The following KAZN variants were observed in gnomAD, a reference collection of about 807,000 sequenced individuals.
KAZN encodes the protein kazrin.
KAZN carries 40 observed loss-of-function variants against 87.4 expected under a neutral mutation model. The ratio of observed to expected loss-of-function variants is 0.46; its 90% CI spans 0.36 to 0.60. KAZN has a LOEUF of 0.60. Ranked by LOEUF, KAZN falls within the 20% of genes least tolerant of loss-of-function variation. The probability of loss-of-function intolerance (pLI) is 0.00; values close to 1 mark genes in which losing one functional copy is unlikely to be tolerated. For synonymous variants in KAZN, 466 were observed against 458.3 expected, an observed-to-expected ratio of 1.02 and a Z score of -0.22; for missense variants, 898 against 1,073.9, an observed-to-expected ratio of 0.84 and a Z score of 2.29.
At chr1:14,025,454 A>G (rs1263986652) in intron 1 of KAZN, among the ~76,000 whole-genome samples, 1 of 152,190 alleles carries the variant, frequency 6.6e-6, no homozygotes, top group Non-Finnish European at 1.5e-5. Flanking sequence ...TCTTAACCCT[A>G]AGACAAAGAA....
At chr1:14,924,654 C>T in intron 1 of KAZN, 3 of 806,494 alleles carry the variant, frequency 3.7e-6, no homozygotes, top group Non-Finnish European at 4.5e-6. Context: ...CGAGGGCGCT[C>T]GGAGCCGGGA....
At chr1:13,943,529 G>C (rs1445075535) in intron 1 of KAZN, among the ~76,000 whole-genome samples, 1 of 151,314 alleles carries the variant, frequency 6.6e-6, no homozygotes, top group African/African-American at 2.4e-5. Context: ...CTTAAATAAA[G>C]GTGTTTTCAG....
intron 2 of KAZN, among the ~76,000 whole-genome samples, chr1:14,539,020 A>G (rs1053564260): frequency 1.3e-5 from 2 of 152,194 alleles, no homozygotes; most frequent in African/African-American, 4.8e-5. Flanking sequence ...GCGTTATTTT[A>G]CTATTTTAAC....
At chr1:14,801,048 CA>C (rs34894690) in intron 1 of KAZN, among the ~76,000 whole-genome samples, 2,922 of 128,522 alleles carry the variant, frequency 0.023, 35 homozygotes, top group African/African-American at 0.043. Flanking sequence ...AACTTTATCT[CA>C]AAAAAAAAAA....
chr1:14,792,836 C>A (rs1320810318), intron 1 of KAZN, among the ~76,000 whole-genome samples: 1 of 152,046 alleles, frequency 6.6e-6, no homozygotes, highest in Admixed American at 6.6e-5. Context: ...ATTAGCTGGG[C>A]GTGGTGGCAT....
At chr1:13,954,125 A>T (rs555795356) in intron 1 of KAZN, among the ~76,000 whole-genome samples, 1 of 152,236 alleles carries the variant, frequency 6.6e-6, no homozygotes, top group Non-Finnish European at 1.5e-5. Context: ...AAAACGCACC[A>T]CCCAGGAGGC....
chr1:14,770,161 T>TTGGA (rs1471798930), intron 1 of KAZN, among the ~76,000 whole-genome samples: 1 of 150,818 alleles, frequency 6.6e-6, no homozygotes, highest in African/African-American at 2.5e-5. Context: ...TGGTGAAAGT[T>TTGGA]TGGACTTCAG....
chr1:15,103,680 GA>G (rs1383808788), intron 12 of KAZN, among the ~76,000 whole-genome samples: 1 of 151,576 alleles, frequency 6.6e-6, no homozygotes, highest in Non-Finnish European at 1.5e-5. Context: ...CAGGAGGAGG[GA>G]ACTGCTTACC....
In KAZN at chr1:14,441,281, A is replaced by T. The variant is rs370344323; in HGVS notation, c.250-157702A>T. 5.0e-5 allele frequency among the ~76,000 whole-genome samples: 7 copies of T among 138,912 alleles called. No individual in the cohort carries two copies. The South Asian group carries it at 6.6e-4, about 13-fold the overall frequency. 91.1% of individuals were successfully genotyped at this position (138,912 alleles called of 152,430 possible). On this transcript the variant is annotated intron_variant, in intron 2 of 16. Transcript: ENST00000636203. ...AATACTCATATATATATATATATAT[A>T]TTTTAAACCCTGAAACTAAAGTTAT...
intron 1 of KAZN, among the ~76,000 whole-genome samples, chr1:13,947,351 G>A (rs1156587534): frequency 6.6e-6 from 1 of 152,088 alleles, no homozygotes; most frequent in Non-Finnish European, 1.5e-5. Context: ...ATCGTGAGTG[G>A]ACTCAAGATG....
chr1:14,629,090 G>T (rs181145624), intron 1 of KAZN, among the ~76,000 whole-genome samples: 1 of 151,970 alleles, frequency 6.6e-6, no homozygotes, highest in Non-Finnish European at 1.5e-5. Flanking sequence ...CAGGCGATCC[G>T]CCTGTCTTAG....
At chr1:15,110,455 TTGTG>T (rs763415451) in intron 13 of KAZN, among the ~76,000 whole-genome samples, 1 of 149,926 alleles carries the variant, frequency 6.7e-6, no homozygotes, top group African/African-American at 2.5e-5. Context: ...ATGTGTGTAT[TTGTG>T]TGTGTTTGTA....
intron 1 of KAZN, among the ~76,000 whole-genome samples, chr1:14,792,751 G>A (rs1645714495): frequency 6.6e-6 from 1 of 152,186 alleles, no homozygotes; most frequent in South Asian, 2.1e-4. Flanking sequence ...GCCGAGGTAG[G>A]CAGATCACGA....
chr1:14,153,969 A>G (rs1384434043), intron 1 of KAZN, among the ~76,000 whole-genome samples: 1 of 151,974 alleles, frequency 6.6e-6, no homozygotes, highest in Non-Finnish European at 1.5e-5. Context: ...TTTGCTTATA[A>G]TAGTTTTGGC....
At chr1:13,924,024 C>G (rs6674966) in intron 1 of KAZN, among the ~76,000 whole-genome samples, 72,308 of 151,916 alleles carry the variant, frequency 0.48, 17,567 homozygotes, top group African/African-American at 0.57. Flanking sequence ...GATGGGAGGG[C>G]CAAATATGGG....
At chr1:15,093,537 C>T (rs1050407491) in intron 8 of KAZN, among the ~76,000 whole-genome samples, 1 of 152,092 alleles carries the variant, frequency 6.6e-6, no homozygotes, top group African/African-American at 2.4e-5. Context: ...GTGCCTTTGT[C>T]TGGCCCAGTG....
At chr1:15,044,920 T>G (rs1466443358) in intron 4 of KAZN, among the ~76,000 whole-genome samples, 1 of 152,238 alleles carries the variant, frequency 6.6e-6, no homozygotes, top group African/African-American at 2.4e-5. Flanking sequence ...AATGTCTTAC[T>G]TGGGTCATTA....
chr1:14,567,347 C>T (rs944679334), intron 2 of KAZN, among the ~76,000 whole-genome samples: 1 of 152,040 alleles, frequency 6.6e-6, no homozygotes, highest in Non-Finnish European at 1.5e-5. Context: ...CACCCCAAAA[C>T]AATTATAATA....
chr1:14,002,532 G>A (rs6676661), intron 1 of KAZN, among the ~76,000 whole-genome samples: 101,612 of 152,110 alleles, frequency 0.67, 34,675 homozygotes, highest in Admixed American at 0.76. Flanking sequence ...CCCCAGCCAT[G>A]TGGAACTGCA....
Sources: allele counts gnomAD v4.1 joint callset (sites outside exome capture counted in the v4.1 genomes callset), GRCh38; gene constraint gnomAD v4.1.1; transcripts MANE v1.5; gene names NCBI Gene and HGNC (gene_info 2026-07-23, HGNC 2026-07-21).